SLCO6A1: variants seen among roughly 807,000 people sequenced by gnomAD.
SLCO6A1 encodes cancer/testis antigen 48.
SLCO6A1 carries 65 observed loss-of-function variants against 72.7 expected under a neutral mutation model. The ratio of observed to expected loss-of-function variants is 0.89; its 90% CI spans 0.73 to 1.10. The LOEUF (loss-of-function observed/expected upper bound fraction) is 1.10, where lower values mean the gene tolerates loss of function less well. Ranked by LOEUF, SLCO6A1 falls within the 50% of genes least tolerant of loss-of-function variation. The probability of loss-of-function intolerance (pLI) is 0.00; values close to 1 mark genes in which losing one functional copy is unlikely to be tolerated. For synonymous variants in SLCO6A1, 314 were observed against 298.2 expected, an observed-to-expected ratio of 1.05 and a Z score of -0.55; for missense variants, 874 against 872.6, an observed-to-expected ratio of 1.00 and a Z score of -0.02.
chr5:102,424,296 ACACAAAAAGCCCTT>A (rs1260653486), intron 7 of SLCO6A1, among the ~76,000 whole-genome samples: 5 of 152,176 alleles, frequency 3.3e-5, no homozygotes, highest in Middle Eastern at 3.2e-3. Flanking sequence ...GGAGACAGAG[ACACAAAAAGCCCTT>A]CAAAAAATCA....
intron 9 of SLCO6A1, among the ~76,000 whole-genome samples, chr5:102,399,946 G>C (rs201361794): frequency 4.2e-5 from 1 of 23,770 alleles, no homozygotes; most frequent in Non-Finnish European, 1.1e-4. Context: ...CAAAAAATCT[G>C]TGTGTGTGTG....
At chr5:102,491,147 T>C (rs1015113943) in intron 1 of SLCO6A1, among the ~76,000 whole-genome samples, 8 of 151,746 alleles carry the variant, frequency 5.3e-5, no homozygotes, top group African/African-American at 1.9e-4. Context: ...AAGAGTAGAG[T>C]AGCTAAATAC....
In SLCO6A1 at chr5:102,470,204, C is replaced by G. The variant is rs138169614; in HGVS notation, c.899+5493G>C. 3.3e-3 allele frequency among the ~76,000 whole-genome samples: 507 copies of G among 152,200 alleles called. 3 individuals are homozygous for G. Among genetic ancestry groups the G allele is most frequent in the Admixed American group, 8.7e-3 (133 of 15,272 alleles). Reference sequence around the variant, plus strand: ...GAGTTAGAGAGGATTCCCTCTTTTTCTAGTGATTGGAATAGTTTCAGAAGG... The same window carrying G: ...GAGTTAGAGAGGATTCCCTCTTTTTGTAGTGATTGGAATAGTTTCAGAAGG... On this transcript the variant is annotated intron_variant, in intron 4 of 13. Coordinates refer to ENST00000506729, the MANE Select transcript of SLCO6A1 (RefSeq NM_173488.5).
chr5:102,469,513 C>G (rs1054505538), intron 4 of SLCO6A1, among the ~76,000 whole-genome samples: 1 of 152,032 alleles, frequency 6.6e-6, no homozygotes, highest in Non-Finnish European at 1.5e-5. Context: ...GATTTTGTAT[C>G]CTGAGACTTT....
In SLCO6A1 at chr5:102,459,542, AGC is replaced by A. The variant is rs2112760034; in HGVS notation, c.1021+112_1021+113del. On this transcript the variant is annotated intron_variant, in intron 5 of 13. Transcript: ENST00000506729. ...CTGTATCTCTATGACAAACCACTAC[AGC>A]GAGAGGCATACTCATTTTATTAAAA... 5 of 1,204,164 alleles carry A rather than the reference AGC, an allele frequency of 4.2e-6. No homozygotes were observed. The South Asian group carries it at 9.6e-5, about 23-fold the overall frequency. 74.6% of individuals were successfully genotyped at this position (1,204,164 alleles called of 1,614,324 possible).
At position 102,388,769 on chromosome 5, in the gene SLCO6A1, G is replaced by T; in HGVS notation, c.1936C>A (p.Arg646=). 6.2e-7 allele frequency: 1 copy of T among 1,607,582 alleles called. No individual in the cohort carries two copies. Among genetic ancestry groups the T allele is most frequent in the Non-Finnish European group, 8.5e-7 (1 of 1,177,840 alleles). Residue 646 remains arginine, a synonymous_variant, in exon 12 of 14, where the codon CGG becomes AGG. Transcript: ENST00000506729. The part of the protein sequence containing the change: ...KMSGETSCIL[R]DVNKCGHTGR... ...GTGTGTCCACATTTATTAACATCCC[G>T]TAAAATACAAGAAGTTTCTCCTGAC...
At chr5:102,386,528 A>G (rs1391957059) in intron 12 of SLCO6A1, among the ~76,000 whole-genome samples, 1 of 152,028 alleles carries the variant, frequency 6.6e-6, no homozygotes, top group Non-Finnish European at 1.5e-5. Context: ...CTGGGAATAC[A>G]GGGGACAGGT....
chr5:102,418,970 A>AT (rs1223408053), intron 8 of SLCO6A1, among the ~76,000 whole-genome samples: 1 of 151,900 alleles, frequency 6.6e-6, no homozygotes, highest in Admixed American at 6.6e-5. Flanking sequence ...CTATGTACTA[A>AT]TTTTTTTCTC....
At chr5:102,417,450 T>A (rs1387087305) in intron 8 of SLCO6A1, among the ~76,000 whole-genome samples, 1 of 152,066 alleles carries the variant, frequency 6.6e-6, no homozygotes, top group Non-Finnish European at 1.5e-5. Flanking sequence ...GGATTAAATA[T>A]CTATTTTTTA....
chr5:102,371,972 A>C lies in SLCO6A1; in HGVS notation c.*167T>G, dbSNP rs887657060. 2.8e-4 allele frequency: 43 copies of C among 152,044 alleles called. No individual in the cohort carries two copies. The highest frequency in any genetic ancestry group is 9.7e-4 in the African/African-American group (40 of 41,448). 9.4% of individuals were successfully genotyped at this position (152,044 alleles called of 1,614,324 possible). ...TTTCACAATAGGACACTTTATTATG[A>C]AAATGCAGATCACCATAAATATATT... On this transcript the variant is annotated 3_prime_UTR_variant, in exon 14 of 14. Transcript: ENST00000506729.
At chr5:102,403,281 A>G (rs1464576974) in intron 9 of SLCO6A1, among the ~76,000 whole-genome samples, 3 of 152,210 alleles carry the variant, frequency 2.0e-5, no homozygotes, top group African/African-American at 7.2e-5. Context: ...CTGAGAGGAC[A>G]TGATTAGTCT....
chr5:102,406,816 C>T (rs1327452546), intron 9 of SLCO6A1, among the ~76,000 whole-genome samples: 1 of 151,880 alleles, frequency 6.6e-6, no homozygotes. Context: ...GGTTTAACAG[C>T]AGAGCAGACA....
intron 3 of SLCO6A1, among the ~76,000 whole-genome samples, chr5:102,476,313 T>C (rs1414904009): frequency 6.6e-6 from 1 of 152,170 alleles, no homozygotes; most frequent in East Asian, 1.9e-4. Context: ...AATACAATTA[T>C]GAGGCCTAGC....
rs138409998 is a variant in SLCO6A1 at position 102,407,425 on chromosome 5, A to G, written c.1626+5565T>C. ...GCTGCTACTGTATACCAGTGCTTCAATAAAAGTTGCTGTGTAATACCAACC... is the reference window on the plus strand; with the variant it reads ...GCTGCTACTGTATACCAGTGCTTCAGTAAAAGTTGCTGTGTAATACCAACC... On this transcript the variant is annotated intron_variant, in intron 9 of 13. Coordinates refer to ENST00000506729, the MANE Select transcript of SLCO6A1 (RefSeq NM_173488.5). 2.1e-3 allele frequency among the ~76,000 whole-genome samples: 320 copies of G among 152,312 alleles called. 3 individuals carry two copies. Among genetic ancestry groups the G allele is most frequent in the African/African-American group, 7.3e-3 (302 of 41,578 alleles).
intron 6 of SLCO6A1, among the ~76,000 whole-genome samples, chr5:102,449,592 T>A (rs958637960): frequency 2.0e-5 from 3 of 152,148 alleles, no homozygotes; most frequent in Non-Finnish European, 4.4e-5. Flanking sequence ...TTCACCGTGT[T>A]ACCCAGGATG....
At chr5:102,391,118 G>C (rs1301668682) in intron 10 of SLCO6A1, 73 bp from the exon 11 acceptor site, 2 of 1,408,130 alleles carry the variant, frequency 1.4e-6, no homozygotes, top group African/African-American at 2.9e-5. Context: ...TAGATTCAAG[G>C]CTAATCATTT....
chr5:102,413,296 C>T (rs1748092905), intron 8 of SLCO6A1, among the ~76,000 whole-genome samples, 153 bp from the exon 9 acceptor site: 1 of 152,032 alleles, frequency 6.6e-6, no homozygotes, highest in Non-Finnish European at 1.5e-5. Flanking sequence ...ATAGACTGCA[C>T]ATACTTAGAC....
intron 10 of SLCO6A1, among the ~76,000 whole-genome samples, chr5:102,397,359 A>AGG (rs1561427507): frequency 1.3e-5 from 2 of 152,066 alleles, no homozygotes; most frequent in Non-Finnish European, 2.9e-5. Flanking sequence ...TATCTCTTCT[A>AGG]TTGATATAGT....
rs570421677 is a variant in SLCO6A1, at chr5:102,385,931, T to A, written c.2017+2757A>T. Among the ~76,000 whole-genome samples, 3 of 150,608 alleles carry A rather than the reference T, an allele frequency of 2.0e-5. No homozygotes were observed. In the East Asian group the frequency reaches 6.0e-4, roughly 30 times the overall value. Reference sequence around the variant, plus strand: ...TCCTACTGCCTCAGCCTGCCAAGCCTCTCAAGTAGCTGGAATTACAAATAC... The same window carrying A: ...TCCTACTGCCTCAGCCTGCCAAGCCACTCAAGTAGCTGGAATTACAAATAC... On this transcript the variant is annotated intron_variant, in intron 12 of 13. Transcript: ENST00000506729.
Sources: allele counts gnomAD v4.1 joint callset (sites outside exome capture counted in the v4.1 genomes callset), GRCh38; gene constraint gnomAD v4.1.1; transcripts MANE v1.5; gene names NCBI Gene and HGNC (gene_info 2026-07-23, HGNC 2026-07-21).